The following DENND2A variants were observed in gnomAD, a reference collection of about 807,000 sequenced individuals.
The protein encoded by DENND2A is DENN domain-containing protein 2A.
In DENND2A, 53 loss-of-function variants were observed where a neutral mutation model predicts 105.3. The observed-to-expected ratio is 0.50, with a 90% confidence interval of 0.40 to 0.63. DENND2A has a LOEUF of 0.63. DENND2A is among the 30% of genes least tolerant of loss of function. The probability of loss-of-function intolerance (pLI) is 0.00; values close to 1 mark genes in which losing one functional copy is unlikely to be tolerated. For synonymous variants in DENND2A, 522 were observed against 508.4 expected (o/e 1.03, Z -0.36); for missense variants, 1,138 against 1,279.6 (o/e 0.89, Z 1.69).
Position 140,527,538 on chromosome 7 carries a change from G to A in DENND2A, c.2328-43C>T, listed in dbSNP as rs942509080. On this transcript the variant is annotated intron_variant, in intron 14 of 19. Coordinates refer to ENST00000496613, the MANE Select transcript of DENND2A (RefSeq NM_015689.5). The surrounding 1 kb of genome is among the most constrained non-coding windows in gnomAD (Gnocchi z 4.9). ...ACAGGGAGAGAGGCCGACTCAGCGA[G>A]GGCCCGAGGAAGCCTCCAGGGGAGA... 1 of 1,544,092 alleles carries A rather than the reference G, an allele frequency of 6.5e-7. No homozygotes were observed. Among genetic ancestry groups the A allele is most frequent in the African/African-American group, 1.4e-5 (1 of 73,944 alleles).
At chr7:140,630,040 T>C (rs1800678499) in intron 1 of DENND2A, among the ~76,000 whole-genome samples, 1 of 151,968 alleles carries the variant, frequency 6.6e-6, no homozygotes, top group Non-Finnish European at 1.5e-5. Flanking sequence ...TTTGTATTTT[T>C]AGTGGAGACG....
intron 3 of DENND2A, among the ~76,000 whole-genome samples, chr7:140,591,890 CTT>C (rs1293624086): frequency 2.1e-5 from 2 of 96,714 alleles, no homozygotes; most frequent in African/African-American, 1.0e-4. Flanking sequence ...TTCTTTCTTT[CTT>C]TCTTTTTCTT....
intron 3 of DENND2A, among the ~76,000 whole-genome samples, chr7:140,588,103 G>C (rs1798862941): frequency 6.6e-6 from 1 of 152,120 alleles, no homozygotes; most frequent in Non-Finnish European, 1.5e-5. Flanking sequence ...TAGAGACAAA[G>C]TTTCACTGTG....
chr7:140,576,809 G>A (rs1798318696), intron 5 of DENND2A, among the ~76,000 whole-genome samples: 1 of 152,144 alleles, frequency 6.6e-6, no homozygotes, highest in Non-Finnish European at 1.5e-5. Context: ...AAGGAAGAGG[G>A]GCAAGCCTTC....
chr7:140,615,755 G>A (rs895112852), intron 1 of DENND2A, among the ~76,000 whole-genome samples: 1 of 150,746 alleles, frequency 6.6e-6, no homozygotes, highest in Non-Finnish European at 1.5e-5. Context: ...GTTTTGCCAC[G>A]TTGGCCAGGC....
At position 140,567,194 on chromosome 7, in the gene DENND2A, G is replaced by C. The variant is rs1310181244; in HGVS notation, c.1671C>G (p.Ile557Met). 2 of 1,613,818 alleles carry C rather than the reference G, an allele frequency of 1.2e-6. No homozygotes were observed. The highest frequency in any genetic ancestry group is 1.7e-6 in the Non-Finnish European group (2 of 1,179,938). The change falls in exon 9 of 20, where the codon ATC becomes ATG. Residue 557 changes from isoleucine to methionine, a missense_variant. Around this residue, in one of 2 missense-constraint regions of DENND2A, gnomAD observed 627 missense variants for 779.8 expected, o/e 0.80. Transcript: ENST00000496613. ...CGAAGAGCTGCCTCTCCTGGTACTC[G>C]ATGAGTTCCCGGGCAAGTGATGGGT... Reference protein sequence around the residue: ...PRYPSLARELIEYQERQLFEY... With the variant: ...PRYPSLARELMEYQERQLFEY...
At chr7:140,582,813 C>T (rs1798597608) in intron 5 of DENND2A, among the ~76,000 whole-genome samples, 1 of 152,224 alleles carries the variant, frequency 6.6e-6, no homozygotes, top group African/African-American at 2.4e-5. Flanking sequence ...TTAAGTTGAC[C>T]TTTGCAGCTG....
chr7:140,617,563 C>T (rs1332383401), intron 1 of DENND2A, among the ~76,000 whole-genome samples: 1 of 151,982 alleles, frequency 6.6e-6, no homozygotes, highest in African/African-American at 2.4e-5. Context: ...AAAATACAAA[C>T]ATTATCTGGG....
chr7:140,519,889 G>A (rs1234261152), intron 18 of DENND2A, among the ~76,000 whole-genome samples, 171 bp from the exon 19 acceptor site: 6 of 152,106 alleles, frequency 3.9e-5, no homozygotes, highest in Non-Finnish European at 8.8e-5. Flanking sequence ...TCTTATAATT[G>A]CCCCACCTGT....
intron 1 of DENND2A, among the ~76,000 whole-genome samples, chr7:140,608,193 G>C (rs1238518697): frequency 6.6e-6 from 1 of 152,176 alleles, no homozygotes; most frequent in Non-Finnish European, 1.5e-5. Flanking sequence ...TGAAAACCAT[G>C]ATCTCCAGAG....
chr7:140,564,786 GATTAAGCATTGCCACGTGAACAGC>G (rs1201302299), intron 9 of DENND2A, among the ~76,000 whole-genome samples: 1 of 152,194 alleles, frequency 6.6e-6, no homozygotes, highest in Non-Finnish European at 1.5e-5. Context: ...CTACAACACT[GATTAAGCATTGCCACGTGAACAGC>G]ATTGTGCTAG....
intron 14 of DENND2A, among the ~76,000 whole-genome samples, chr7:140,534,703 G>A (rs1284131661): frequency 1.3e-5 from 2 of 152,232 alleles, no homozygotes; most frequent in Non-Finnish European, 2.9e-5. Context: ...GCTTGCTGCA[G>A]AGTGTGGAGG....
intron 14 of DENND2A, among the ~76,000 whole-genome samples, chr7:140,530,059 C>CAAAA (rs3042405): frequency 0.14 from 16,770 of 122,168 alleles, 1,561 homozygotes; most frequent in African/African-American, 0.28. Context: ...CCCTGTTTCT[C>CAAAA]AAAAAAAAAA....
At chr7:140,623,089 C>T (rs959905625) in intron 1 of DENND2A, among the ~76,000 whole-genome samples, 9 of 151,862 alleles carry the variant, frequency 5.9e-5, no homozygotes, top group African/African-American at 1.7e-4. Flanking sequence ...AATCCCAGCA[C>T]TTTGGGAGGC....
chr7:140,518,803 C>G, intron 19 of DENND2A, 65 bp from the exon 20 acceptor site: 1 of 1,560,298 alleles, frequency 6.4e-7, no homozygotes, highest in Non-Finnish European at 8.8e-7. Flanking sequence ...AAATCTTGCC[C>G]TTTCCACCCA....
chr7:140,587,060 G>A (rs1011648683), intron 4 of DENND2A, among the ~76,000 whole-genome samples: 10 of 152,164 alleles, frequency 6.6e-5, no homozygotes, highest in African/African-American at 2.4e-4. Context: ...GGACGCTTTA[G>A]AGCCAAAGTT....
At chr7:140,584,070 C>T (rs1374370880) in intron 5 of DENND2A, among the ~76,000 whole-genome samples, 2 of 149,226 alleles carry the variant, frequency 1.3e-5, no homozygotes, top group East Asian at 1.9e-4. Context: ...GGTGAAACCC[C>T]ATCTCTACTA....
intron 1 of DENND2A, among the ~76,000 whole-genome samples, chr7:140,625,251 C>G (rs987027425): frequency 6.6e-6 from 1 of 150,632 alleles, no homozygotes; most frequent in Non-Finnish European, 1.5e-5. Flanking sequence ...GTGGTGCATG[C>G]CTGTAATCCA....
chr7:140,562,662 A>AAAAC (rs112941923), intron 9 of DENND2A, among the ~76,000 whole-genome samples: 78,579 of 150,764 alleles, frequency 0.52, 20,985 homozygotes, highest in East Asian at 0.84. Context: ...GCTCCGTCTC[A>AAAAC]AAACAAACAA....
Sources: allele counts gnomAD v4.1 joint callset (sites outside exome capture counted in the v4.1 genomes callset), GRCh38; gene constraint gnomAD v4.1.1; regional missense constraint gnomAD v4.1.1; non-coding constraint Gnocchi (gnomAD v3.1); transcripts MANE v1.5; gene names NCBI Gene and HGNC (gene_info 2026-07-23, HGNC 2026-07-21).